Variants in SPEF2 observed in about 807,000 individuals in gnomAD.
The protein encoded by SPEF2 is sperm flagella and cilia-associated protein 2.
In SPEF2, 187 loss-of-function variants were observed where a neutral mutation model predicts 224.6. That is an observed-to-expected ratio of 0.83 (90% confidence interval 0.74 to 0.94). The LOEUF (loss-of-function observed/expected upper bound fraction) is 0.94. SPEF2 is among the 40% of genes least tolerant of loss of function. The probability of loss-of-function intolerance (pLI) is 0.00; values close to 1 mark genes in which losing one functional copy is unlikely to be tolerated. For missense variants in SPEF2, 2,170 were observed against 2,135.6 expected, an observed-to-expected ratio of 1.02 and a Z score of -0.32; for synonymous variants, 715 against 707.3, an observed-to-expected ratio of 1.01 and a Z score of -0.17.
At chr5:35,737,835 A>G (rs369757816) in intron 21 of SPEF2, among the ~76,000 whole-genome samples, 2 of 152,092 alleles carry the variant, frequency 1.3e-5, no homozygotes, top group Non-Finnish European at 2.9e-5. Flanking sequence ...CACCAACAGT[A>G]TAAAAGTGTT....
intron 29 of SPEF2, among the ~76,000 whole-genome samples, chr5:35,778,783 T>C (rs1395075250): frequency 6.6e-6 from 1 of 152,154 alleles, no homozygotes; most frequent in Non-Finnish European, 1.5e-5. Flanking sequence ...TAGTATGAAA[T>C]ATAACCCTTG....
intron 20 of SPEF2, 117 bp from the exon 21 acceptor site, chr5:35,727,558 C>T (rs1744877132): frequency 2.5e-6 from 2 of 812,488 alleles, no homozygotes; most frequent in Admixed American, 6.3e-5. Context: ...CTCAAAAAAG[C>T]TTAAAAAGTA....
intron 21 of SPEF2, among the ~76,000 whole-genome samples, chr5:35,729,391 C>G (rs1306838383): frequency 6.6e-6 from 1 of 152,118 alleles, no homozygotes; most frequent in Non-Finnish European, 1.5e-5. Context: ...CAGAGGGATG[C>G]AGTGCGACCC....
chr5:35,663,907 C>T (rs1241676431), intron 8 of SPEF2, among the ~76,000 whole-genome samples: 1 of 152,152 alleles, frequency 6.6e-6, no homozygotes, highest in East Asian at 1.9e-4. Context: ...GCACAGGAAA[C>T]TTTGGGGAGG....
chr5:35,709,879 T>C, intron 19 of SPEF2: 1 of 985,440 alleles, frequency 1.0e-6, no homozygotes, highest in Non-Finnish European at 1.2e-6. Context: ...GCTTTATAAA[T>C]GGCTGACTGT....
intron 18 of SPEF2, 30 bp from the exon 19 acceptor site, chr5:35,708,918 T>C (rs980669140): frequency 6.3e-6 from 10 of 1,579,668 alleles, no homozygotes; most frequent in Non-Finnish European, 8.6e-6. Flanking sequence ...GAGTCTCTAA[T>C]GAAGGTCAAT....
Position 35,649,430 on chromosome 5 carries a change from G to A in SPEF2, c.791+5G>A. 2 of 1,606,850 alleles carry A rather than the reference G, an allele frequency of 1.2e-6. No individual in the cohort carries two copies. The highest frequency in any genetic ancestry group is 1.3e-5 in the African/African-American group (1 of 74,720). On this transcript the variant is annotated splice_donor_5th_base_variant and intron_variant, in intron 6 of 36. Coordinates refer to ENST00000356031, the MANE Select transcript of SPEF2 (RefSeq NM_024867.4). ...GGATCTCCAAGCAAAAGAAAGGTGA[G>A]ATGTGAGCTATTTTAAGAATTACAA...
chr5:35,622,552 T>G (rs772045911), intron 1 of SPEF2, among the ~76,000 whole-genome samples: 58 of 152,134 alleles, frequency 3.8e-4, no homozygotes, highest in Non-Finnish European at 3.8e-4. Context: ...TGCACCTAGG[T>G]AGTAGCAAGT....
intron 1 of SPEF2, among the ~76,000 whole-genome samples, chr5:35,621,740 A>G (rs769456167): frequency 1.3e-5 from 2 of 152,214 alleles, no homozygotes; most frequent in African/African-American, 4.8e-5. Flanking sequence ...GAGAATGCCA[A>G]GCCTGTGCAT....
At chr5:35,638,402 C>T (rs1194823619) in intron 2 of SPEF2, among the ~76,000 whole-genome samples, 3 of 152,046 alleles carry the variant, frequency 2.0e-5, no homozygotes, top group Admixed American at 1.3e-4. Flanking sequence ...TTCCCATCAA[C>T]GGAGAATCCT....
intron 12 of SPEF2, 97 bp from the exon 13 acceptor site, chr5:35,694,190 AT>A (rs1754943433): frequency 1.2e-6 from 1 of 867,712 alleles, no homozygotes; most frequent in African/African-American, 1.7e-5. Flanking sequence ...AAAGTATTGT[AT>A]TTGTTCTCAA....
rs369807631 is a variant in SPEF2 at position 35,692,405 on chromosome 5, C to T, written c.1745-165C>T. Among the ~76,000 whole-genome samples the T allele has an allele frequency of 2.7e-4, 41 of 152,166 alleles. No individual in the cohort carries two copies. The East Asian group carries it at 2.9e-3, about 11-fold the overall frequency. ...CAGCCTAGGCGACAGAGCGAGACTCCGTCTCAAACAAAACAAACCAAACAA... is the reference window on the plus strand; with the variant it reads ...CAGCCTAGGCGACAGAGCGAGACTCTGTCTCAAACAAAACAAACCAAACAA... On this transcript the variant is annotated intron_variant, in intron 11 of 36. Transcript: ENST00000356031.
chr5:35,799,779 G>A (rs571940714), intron 33 of SPEF2, among the ~76,000 whole-genome samples, 189 bp from the exon 34 acceptor site: 73 of 152,012 alleles, frequency 4.8e-4, no homozygotes, highest in Admixed American at 8.5e-4. Flanking sequence ...AATATTTCAG[G>A]GCCCCACTTT....
intron 21 of SPEF2, among the ~76,000 whole-genome samples, chr5:35,737,921 T>C (rs975060663): frequency 6.6e-6 from 1 of 152,202 alleles, no homozygotes; most frequent in Non-Finnish European, 1.5e-5. Flanking sequence ...TGGTGTGAGA[T>C]GGTATCTCAT....
At chr5:35,738,818 C>G (rs184502867) in intron 21 of SPEF2, among the ~76,000 whole-genome samples, 19 of 152,114 alleles carry the variant, frequency 1.2e-4, no homozygotes, top group African/African-American at 4.6e-4. Context: ...TCTACTGCTG[C>G]AGGCTTCATC....
intron 30 of SPEF2, among the ~76,000 whole-genome samples, chr5:35,785,792 C>A (rs370452722): frequency 6.6e-6 from 1 of 151,440 alleles, no homozygotes; most frequent in Admixed American, 6.6e-5. Flanking sequence ...CTCCTAGGCT[C>A]GTGATCCTCC....
chr5:35,755,680 C>A (rs2149734653), intron 24 of SPEF2, among the ~76,000 whole-genome samples: 1 of 152,242 alleles, frequency 6.6e-6, no homozygotes, highest in African/African-American at 2.4e-5. Context: ...TGCGATCTCA[C>A]CTCACTGCAA....
intron 30 of SPEF2, 134 bp from the exon 31 acceptor site, chr5:35,792,206 G>C (rs1756065294): frequency 1.9e-6 from 1 of 526,172 alleles, no homozygotes; most frequent in African/African-American, 2.0e-5. Context: ...AATGTCTTCT[G>C]TTTCTTTAAA....
In SPEF2 at chr5:35,632,384, C is replaced by T. The variant is rs57327594; in HGVS notation, c.161+3822C>T. ...GTGAGTAGCAAAGTGGGAAGGGCCC[C>T]GCATAAAACCATCATATCTCATGAG... On this transcript the variant is annotated intron_variant, in intron 2 of 36. Coordinates refer to ENST00000356031, the MANE Select transcript of SPEF2 (RefSeq NM_024867.4). Among the ~76,000 whole-genome samples the T allele has an allele frequency of 3.4e-3, 521 of 152,152 alleles. 5 individuals carry two copies. Among genetic ancestry groups the T allele is most frequent in the African/African-American group, 0.012 (501 of 41,512 alleles).
Sources: gnomAD v4.1 joint callset for allele counts (sites outside exome capture counted in the v4.1 genomes callset) on GRCh38, gnomAD v4.1.1 for gene constraint, MANE v1.5 for transcripts, NCBI Gene and HGNC (gene_info 2026-07-23, HGNC 2026-07-21) for gene names.